Variants in CGNL1 observed in about 807,000 individuals in gnomAD.
CGNL1 encodes cingulin like 1.
In CGNL1, 132 loss-of-function variants were observed where a neutral mutation model predicts 141.2. That is an observed-to-expected ratio of 0.93 (90% CI 0.81 to 1.08). The LOEUF (loss-of-function observed/expected upper bound fraction) is 1.08. Ranked by LOEUF, CGNL1 falls within the 50% of genes least tolerant of loss-of-function variation. The pLI is 0.00. For synonymous variants in CGNL1, 690 were observed against 622.1 expected (o/e 1.11, Z -1.63); for missense variants, 1,870 against 1,588.6 (o/e 1.18, Z -3.01).
chr15:57,429,152 A>G (rs1286213504), intron 1 of CGNL1, among the ~76,000 whole-genome samples: 1 of 152,200 alleles, frequency 6.6e-6, no homozygotes, highest in Non-Finnish European at 1.5e-5. Context: ...TAATGCCAAC[A>G]GTGTGAACCT....
intron 1 of CGNL1, chr15:57,402,657 A>G (rs2062673255): frequency 6.6e-6 from 1 of 152,224 alleles, no homozygotes; most frequent in African/African-American, 2.4e-5. Context: ...TGTTGGTTTC[A>G]CAGTGTGTCT....
At chr15:57,429,866 G>A (rs1227102101) in intron 1 of CGNL1, among the ~76,000 whole-genome samples, 2 of 152,154 alleles carry the variant, frequency 1.3e-5, no homozygotes, top group African/African-American at 4.8e-5. Flanking sequence ...CTGGCATGGG[G>A]TGGCATGATC....
intron 7 of CGNL1, among the ~76,000 whole-genome samples, chr15:57,457,900 C>A (rs2063398781): frequency 6.6e-6 from 1 of 152,142 alleles, no homozygotes; most frequent in African/African-American, 2.4e-5. Context: ...AGTGTGACTG[C>A]TTGCTTCTCA....
chr15:57,438,578 C>T lies in CGNL1; in HGVS notation c.579C>T (p.Pro193=). The change falls in exon 2 of 19, where the codon CCC becomes CCT. Residue 193 remains proline (P), a synonymous_variant. Coordinates refer to ENST00000281282, the MANE Select transcript of CGNL1 (RefSeq NM_032866.5). ...ATAAGAAGCCTTGGACTTGCTTTCC[C>T]AAACCTAGCAATTCCCAGCCTACCA... ...INNKKPWTCF[P]KPSNSQPTSP... The T allele has an allele frequency of 6.2e-7, 1 of 1,613,638 alleles. No homozygotes were observed. The highest frequency in any genetic ancestry group is 1.7e-5 in the Admixed American group (1 of 60,014).
chr15:57,427,530 T>C (rs2062989294), intron 1 of CGNL1, among the ~76,000 whole-genome samples: 1 of 152,230 alleles, frequency 6.6e-6, no homozygotes, highest in South Asian at 2.1e-4. Context: ...TTGCAATCAT[T>C]TGGCTAAATT....
At position 57,438,756 on chromosome 15, in the gene CGNL1, A is replaced by C. The variant is rs753144606; in HGVS notation, c.757A>C (p.Ser253Arg). Residue 253 changes from serine to arginine, a missense_variant, in exon 2 of 19, where the codon AGC (serine) becomes CGC (arginine). Physicochemically the swap from Ser to Arg is moderately radical, Grantham distance 110 (BLOSUM62 -1). Transcript: ENST00000281282. Reference protein sequence around the residue: ...ERVGEEALFTSGRPLTAHSPH... With the variant: ...ERVGEEALFTRGRPLTAHSPH... Reference sequence around the variant, plus strand: ...GGTGGGAGAGGAGGCCCTTTTCACTAGCGGGAGGCCCCTGACTGCCCACAG... The same window carrying C: ...GGTGGGAGAGGAGGCCCTTTTCACTCGCGGGAGGCCCCTGACTGCCCACAG... 4 of 1,614,002 alleles carry C rather than the reference A, an allele frequency of 2.5e-6. No individual in the cohort carries two copies. The South Asian group carries it at 4.4e-5, about 18-fold the overall frequency.
chr15:57,386,462 G>T (rs1255074752), intron 1 of CGNL1, among the ~76,000 whole-genome samples: 1 of 152,172 alleles, frequency 6.6e-6, no homozygotes, highest in Non-Finnish European at 1.5e-5. Flanking sequence ...AATGGTTGGG[G>T]CTCAACAAAG....
chr15:57,406,561 G>A (rs963014115), intron 1 of CGNL1, among the ~76,000 whole-genome samples: 3 of 152,184 alleles, frequency 2.0e-5, no homozygotes, highest in Non-Finnish European at 4.4e-5. Flanking sequence ...GCAATCATGC[G>A]AAGTGGCAGT....
At chr15:57,519,831 A>C (rs2031120637) in intron 10 of CGNL1, among the ~76,000 whole-genome samples, 1 of 152,192 alleles carries the variant, frequency 6.6e-6, no homozygotes, top group South Asian at 2.1e-4. Flanking sequence ...GTATGTCCAC[A>C]CCAAGTCCCC....
At chr15:57,484,654 C>T (rs1194682349) in intron 8 of CGNL1, among the ~76,000 whole-genome samples, 2 of 151,996 alleles carry the variant, frequency 1.3e-5, no homozygotes, top group Non-Finnish European at 2.9e-5. Context: ...CCTATCAAAC[C>T]ATCATCTAGG....
chr15:57,528,932 T>C (rs1019179378), intron 13 of CGNL1, 117 bp downstream of exon 13: 1 of 1,088,442 alleles, frequency 9.2e-7, no homozygotes, highest in Non-Finnish European at 1.3e-6. Flanking sequence ...TTTTATTCTC[T>C]CCCACAGCTG....
chr15:57,432,347 C>T (rs900386255), intron 1 of CGNL1, among the ~76,000 whole-genome samples: 5 of 152,196 alleles, frequency 3.3e-5, no homozygotes, highest in Non-Finnish European at 7.3e-5. Flanking sequence ...TCTCCATGCT[C>T]AGCTGATAAC....
chr15:57,394,269 A>G (rs966103473), intron 1 of CGNL1, among the ~76,000 whole-genome samples: 1 of 151,736 alleles, frequency 6.6e-6, no homozygotes, highest in Non-Finnish European at 1.5e-5. Context: ...GATTATAGGC[A>G]TGTGCCATCA....
At chr15:57,400,076 T>C (rs1664443) in intron 1 of CGNL1, among the ~76,000 whole-genome samples, 80,494 of 151,024 alleles carry the variant, frequency 0.53, 21,703 homozygotes, top group Middle Eastern at 0.58. Context: ...TCACTGCAGC[T>C]TCAAACTCCT....
intron 4 of CGNL1, among the ~76,000 whole-genome samples, chr15:57,448,620 C>T (rs1194427710): frequency 6.6e-6 from 1 of 151,964 alleles, no homozygotes; most frequent in African/African-American, 2.4e-5. Context: ...TGCACTCCAG[C>T]CTGGATGACA....
In CGNL1 at chr15:57,512,070, C is replaced by A. The variant is rs560537627; in HGVS notation, c.2404-4710C>A. 5.3e-5 allele frequency among the ~76,000 whole-genome samples: 8 copies of A among 152,258 alleles called. No homozygotes were observed. The East Asian group carries it at 1.5e-3, about 29-fold the overall frequency. On this transcript the variant is annotated intron_variant, in intron 8 of 18. Coordinates refer to ENST00000281282, the MANE Select transcript of CGNL1 (RefSeq NM_032866.5). The stretch of plus-strand genomic sequence containing the variant: ...AACTTCCACTTGAGTTGCTCTTTAC[C>A]AGCTCTGTCTTGGTGCAGTTCTGCT...
intron 8 of CGNL1, among the ~76,000 whole-genome samples, chr15:57,511,145 G>C (rs1473993346): frequency 7.9e-5 from 12 of 152,174 alleles, no homozygotes; most frequent in Non-Finnish European, 1.8e-4. Context: ...GTTTGCAATT[G>C]AAAACTTCCT....
intron 8 of CGNL1, among the ~76,000 whole-genome samples, chr15:57,464,105 T>A (rs963711271): frequency 6.7e-6 from 1 of 150,370 alleles, no homozygotes; most frequent in South Asian, 2.1e-4. Context: ...AGTGACAAAC[T>A]CTAGTACCTC....
intron 1 of CGNL1, among the ~76,000 whole-genome samples, chr15:57,378,332 T>TA (rs2062386916): frequency 6.6e-6 from 1 of 151,130 alleles, no homozygotes; most frequent in Non-Finnish European, 1.5e-5. Context: ...TCAGTGGTTT[T>TA]AAGTTTTTCT....
Sources: gnomAD v4.1 joint callset for allele counts (sites outside exome capture counted in the v4.1 genomes callset) on GRCh38, gnomAD v4.1.1 for gene constraint, MANE v1.5 for transcripts, NCBI Gene and HGNC (gene_info 2026-07-23, HGNC 2026-07-21) for gene names.